The following SEM1 variants were observed in gnomAD, a reference collection of about 807,000 sequenced individuals.
The protein encoded by SEM1 is SEM1 26S proteasome subunit, also known as 26S proteasome complex subunit SEM1.
In SEM1, 3 loss-of-function variants were observed where a neutral mutation model predicts 12.7. The observed-to-expected ratio is 0.24, with a 90% CI of 0.11 to 0.61. The LOEUF is 0.61. Among genes scored for constraint, SEM1 ranks in the 20% least tolerant of loss-of-function variants. The pLI, the probability that SEM1 is intolerant of heterozygous loss-of-function variation, is 0.88. For missense variants in SEM1, 59 were observed against 81.3 expected (o/e 0.73, Z 1.06); for synonymous variants, 30 against 27.8 (o/e 1.08, Z -0.25).
chr7:96,550,791 G>C (rs1430591826), intron 2 of SEM1, among the ~76,000 whole-genome samples: 1 of 152,086 alleles, frequency 6.6e-6, no homozygotes, highest in Non-Finnish European at 1.5e-5. Flanking sequence ...GCAGTCTGAG[G>C]AGTGTGACAC....
At chr7:96,670,157 T>C (rs111941527), downstream of SEM1, among the ~76,000 whole-genome samples, 6 of 152,342 alleles carry the variant, frequency 3.9e-5, no homozygotes, top group African/African-American at 1.4e-4. Flanking sequence ...TAATAAAATC[T>C]ACAATTTTAT....
At chr7:96,542,102 T>G (rs1419216107) in intron 2 of SEM1, among the ~76,000 whole-genome samples, 1 of 151,626 alleles carries the variant, frequency 6.6e-6, no homozygotes, top group African/African-American at 2.4e-5. Context: ...GGGGGTTCCA[T>G]ATGAATTTTA....
chr7:96,557,932 C>T (rs1215218302), intron 2 of SEM1, among the ~76,000 whole-genome samples: 12 of 152,264 alleles, frequency 7.9e-5, no homozygotes, highest in African/African-American at 2.6e-4. Context: ...GGGCAGTATT[C>T]GGGTGGGAGT....
upstream of SEM1, among the ~76,000 whole-genome samples, chr7:96,501,223 C>T (rs76085482): frequency 9.0e-3 from 1,375 of 152,228 alleles, 19 homozygotes; most frequent in African/African-American, 0.031. Context: ...ACAGAAGTCT[C>T]AGTAGGTCTG....
At chr7:96,513,546 A>G (rs887964326) in intron 2 of SEM1, among the ~76,000 whole-genome samples, 4 of 152,088 alleles carry the variant, frequency 2.6e-5, no homozygotes, top group Non-Finnish European at 5.9e-5. Flanking sequence ...TAAAGAACGT[A>G]GGCTGGGTGC....
At chr7:96,514,731 C>A (rs59710066) in intron 2 of SEM1, among the ~76,000 whole-genome samples, 6,679 of 151,476 alleles carry the variant, frequency 0.044, 457 homozygotes, top group African/African-American at 0.15. Flanking sequence ...ATGAGAAAAA[C>A]TACAAAACTC....
chr7:96,568,656 T>C (rs1354377277), intron 2 of SEM1, among the ~76,000 whole-genome samples: 1 of 151,876 alleles, frequency 6.6e-6, no homozygotes, highest in East Asian at 1.9e-4. Context: ...GTTTTTAGTA[T>C]GTTGTTTGGA....
At chr7:96,505,826 C>CCAT in intron 3 of SEM1, among the ~76,000 whole-genome samples, 1 of 152,210 alleles carries the variant, frequency 6.6e-6, no homozygotes, top group Admixed American at 6.5e-5. Context: ...CCTCTTAACA[C>CCAT]CATCACCTTG....
intron 2 of SEM1, among the ~76,000 whole-genome samples, chr7:96,553,249 T>G (rs1249839336): frequency 2.8e-4 from 43 of 151,124 alleles, no homozygotes; most frequent in African/African-American, 6.6e-4. Flanking sequence ...TTTTGGTGTT[T>G]TAGACATGAA....
chr7:96,583,333 GA>G (rs1287361422), intron 2 of SEM1, among the ~76,000 whole-genome samples: 2 of 144,392 alleles, frequency 1.4e-5, no homozygotes, highest in Non-Finnish European at 3.0e-5. Flanking sequence ...TGTGGTCTGA[GA>G]GATAGTTTGT....
intron 2 of SEM1, among the ~76,000 whole-genome samples, chr7:96,551,569 G>A (rs1805272734): frequency 6.6e-6 from 1 of 151,880 alleles, no homozygotes; most frequent in Admixed American, 6.6e-5. Context: ...GCCAGGCATG[G>A]TGGTGTGCAC....
downstream of SEM1, among the ~76,000 whole-genome samples, chr7:96,669,965 G>C (rs190646609): frequency 6.6e-6 from 1 of 152,256 alleles, no homozygotes; most frequent in East Asian, 1.9e-4. Context: ...AAGTTACATA[G>C]TCCTTTACCT....
At chr7:96,596,561 G>A (rs1429285249) in intron 2 of SEM1, among the ~76,000 whole-genome samples, 3 of 151,914 alleles carry the variant, frequency 2.0e-5, no homozygotes, top group Non-Finnish European at 4.4e-5. Context: ...TTTCTCCCCG[G>A]GTAATAATTT....
chr7:96,648,714 A>G (rs1023409581), intron 2 of SEM1, among the ~76,000 whole-genome samples: 1 of 152,194 alleles, frequency 6.6e-6, no homozygotes. Flanking sequence ...GGAATTTTGG[A>G]TGGATACTTG....
intron 2 of SEM1, among the ~76,000 whole-genome samples, chr7:96,624,211 T>A (rs1807986914): frequency 6.6e-6 from 1 of 152,146 alleles, no homozygotes; most frequent in Non-Finnish European, 1.5e-5. Context: ...TAAAATTTAC[T>A]TTTACGTGAC....
chr7:96,506,455 A>G lies in SEM1; in HGVS notation c.*60+168T>C, dbSNP rs75862282. Among the ~76,000 whole-genome samples the G allele has an allele frequency of 7.9e-5, 12 of 152,234 alleles. No individual in the cohort carries two copies. The East Asian group carries it at 2.3e-3, about 29-fold the overall frequency. On this transcript the variant is annotated intron_variant and NMD_transcript_variant, in intron 3 of 3. Coordinates refer to the SEM1 transcript ENST00000466986. ...CTTTTCTTGGTTATTATATATGTCA[A>G]ATTTTATATGATCATTATATTCTAG...
chr7:96,577,860 G>GA (rs1247897785), intron 2 of SEM1, among the ~76,000 whole-genome samples: 104 of 142,440 alleles, frequency 7.3e-4, no homozygotes, highest in East Asian at 3.2e-3. Flanking sequence ...AGAATGAAAG[G>GA]AAAAAAAAAA....
At chr7:96,614,899 TA>T (rs1807662470) in intron 2 of SEM1, among the ~76,000 whole-genome samples, 1 of 152,236 alleles carries the variant, frequency 6.6e-6, no homozygotes, top group South Asian at 2.1e-4. Context: ...GAGGAGAGTT[TA>T]TAGTATAAGG....
chr7:96,559,914 T>C (rs1342608135), intron 2 of SEM1, among the ~76,000 whole-genome samples: 1 of 152,224 alleles, frequency 6.6e-6, no homozygotes. Context: ...ACAGAAATGC[T>C]GGAGCTATGG....
Sources: gnomAD v4.1 joint callset for allele counts (sites outside exome capture counted in the v4.1 genomes callset) on GRCh38, gnomAD v4.1.1 for gene constraint, MANE v1.5 for transcripts, NCBI Gene and HGNC (gene_info 2026-07-23, HGNC 2026-07-21) for gene names.